Variants in TMEM132C observed in about 807,000 individuals in gnomAD.
TMEM132C encodes protein phosphatase 1, regulatory subunit 152.
A neutral mutation model predicts 61.4 loss-of-function variants in TMEM132C; 29 were observed. The observed-to-expected ratio is 0.47, with a 90% CI of 0.35 to 0.64. TMEM132C has a LOEUF of 0.64. TMEM132C is among the 30% of genes least tolerant of loss of function. The pLI, the probability that TMEM132C is intolerant of heterozygous loss-of-function variation, is 0.00. For synonymous variants in TMEM132C, 656 were observed against 633.1 expected, an observed-to-expected ratio of 1.04 and a Z score of -0.54; for missense variants, 1,408 against 1,476.9, an observed-to-expected ratio of 0.95 and a Z score of 0.76.
chr12:128,494,065 G>A (rs1300433396), intron 2 of TMEM132C, among the ~76,000 whole-genome samples: 1 of 152,194 alleles, frequency 6.6e-6, no homozygotes, highest in African/African-American at 2.4e-5. Flanking sequence ...ATGAAGGGCT[G>A]TTGAATTTTG....
chr12:128,412,149 T>A (rs1172206287), intron 1 of TMEM132C, among the ~76,000 whole-genome samples: 1 of 152,240 alleles, frequency 6.6e-6, no homozygotes, highest in Non-Finnish European at 1.5e-5. Context: ...GGTTTTGATA[T>A]TCATTAATAC....
In TMEM132C at chr12:128,326,839, G is replaced by A. The variant is rs1872537947; in HGVS notation, c.85+59352G>A. ...AACAACGTAGTAAAACAGCACTCAG[G>A]AATTAATTGTATTTTTAATAAAGCA... On this transcript the variant is annotated intron_variant, in intron 1 of 8. Transcript: ENST00000435159. The surrounding 1 kb of genome is among the most constrained non-coding windows in gnomAD (Gnocchi z 5.6). Among the ~76,000 whole-genome samples, 1 of 149,726 alleles carries A rather than the reference G, an allele frequency of 6.7e-6. No individual in the cohort carries two copies. The highest frequency in any genetic ancestry group is 2.1e-4 in the South Asian group (1 of 4,812).
chr12:128,355,958 A>T (rs76564807), intron 1 of TMEM132C, among the ~76,000 whole-genome samples: 2 of 151,954 alleles, frequency 1.3e-5, no homozygotes, highest in South Asian at 2.1e-4. Flanking sequence ...TTTACTATTT[A>T]TCTTTCCCTG....
intron 4 of TMEM132C, among the ~76,000 whole-genome samples, chr12:128,640,748 G>A (rs1593130113): frequency 6.6e-6 from 1 of 152,132 alleles, no homozygotes; most frequent in Non-Finnish European, 1.5e-5. Context: ...TTAGTAAGGT[G>A]TAGTGACACA....
chr12:128,555,968 C>T (rs999882749), intron 3 of TMEM132C, among the ~76,000 whole-genome samples: 13 of 152,266 alleles, frequency 8.5e-5, no homozygotes, highest in African/African-American at 1.9e-4. Context: ...CCTCCCACCT[C>T]GGCCTCCCAA....
chr12:128,278,745 C>CGTGTGTGTGTGTGTGTGTGT lies in TMEM132C; in HGVS notation c.85+11262_85+11263insGTGTGTGTGTGTGTGTGTGT, dbSNP rs201012004. Among the ~76,000 whole-genome samples the CGTGTGTGTGTGTGTGTGTGT allele has an allele frequency of 7.4e-6, 1 of 135,582 alleles. No homozygotes were observed. Among genetic ancestry groups the CGTGTGTGTGTGTGTGTGTGT allele is most frequent in the Non-Finnish European group, 1.6e-5 (1 of 64,216 alleles). 88.9% of individuals were successfully genotyped at this position (135,582 alleles called of 152,430 possible). A position where few individuals can be genotyped will look rare whatever the true frequency, so the allele number is the denominator to read the frequency against. On this transcript the variant is annotated intron_variant, in intron 1 of 8. Coordinates refer to ENST00000435159, the MANE Select transcript of TMEM132C (RefSeq NM_001136103.3). This position sits in a 1 kb window ranked among gnomAD's most constrained non-coding sequence, Gnocchi z 4.2. Reference sequence around the variant, plus strand: ...ATATTTGTGCAGACTTGATTCTATACGTGTATGTGTGTGTGTGTGTGTGTG... The same window carrying CGTGTGTGTGTGTGTGTGTGT: ...ATATTTGTGCAGACTTGATTCTATACGTGTGTGTGTGTGTGTGTGTGTGTATGTGTGTGTGTGTGTGTGTG...
intron 5 of TMEM132C, among the ~76,000 whole-genome samples, chr12:128,689,714 A>T (rs1593149684): frequency 6.6e-6 from 1 of 152,190 alleles, no homozygotes; most frequent in Non-Finnish European, 1.5e-5. Flanking sequence ...TCCAAGCATC[A>T]TAACTAAATG....
At chr12:128,648,076 G>A (rs141891369) in intron 4 of TMEM132C, among the ~76,000 whole-genome samples, 116 of 151,932 alleles carry the variant, frequency 7.6e-4, no homozygotes, top group African/African-American at 2.7e-3. Flanking sequence ...TGATGTGAGT[G>A]TGTTTACTAG....
chr12:128,415,727 A>T lies in TMEM132C; in HGVS notation c.974+107A>T. 7.5e-7 allele frequency: 1 copy of T among 1,327,432 alleles called. No individual in the cohort carries two copies. Among genetic ancestry groups the T allele is most frequent in the African/African-American group, 1.5e-5 (1 of 67,552 alleles). The allele number at this position is 1,327,432 out of a possible 1,614,324, so 82.2% of individuals were successfully genotyped here. On this transcript the variant is annotated intron_variant, in intron 2 of 8. Coordinates refer to ENST00000435159, the MANE Select transcript of TMEM132C (RefSeq NM_001136103.3). This position sits in a 1 kb window ranked among gnomAD's most constrained non-coding sequence, Gnocchi z 5.8. ...GGAAGCATCGATTTTCACTACCTTC[A>T]GGGACCGTTTGGCATTAACAGGGGA... is the stretch of plus-strand genomic sequence containing the variant.
At chr12:128,496,049 A>G (rs1048628010) in intron 2 of TMEM132C, among the ~76,000 whole-genome samples, 5 of 151,876 alleles carry the variant, frequency 3.3e-5, no homozygotes, top group African/African-American at 7.3e-5. Flanking sequence ...ATCTCTCAGC[A>G]TTTGCTTGTC....
At position 128,374,357 on chromosome 12, in the gene TMEM132C, T is replaced by G. The variant is rs140458009; in HGVS notation, c.86-40375T>G. 3.1e-3 allele frequency among the ~76,000 whole-genome samples: 467 copies of G among 152,230 alleles called. 4 individuals are homozygous for G. The highest frequency in any genetic ancestry group is 0.01 in the African/African-American group (419 of 41,546). ...AAGATGAGCTCTTGGGGTTTGCGCT[T>G]TGTTGTCTGGGCGGAGCCATTGCTG... On this transcript the variant is annotated intron_variant, in intron 1 of 8. Coordinates refer to ENST00000435159, the MANE Select transcript of TMEM132C (RefSeq NM_001136103.3).
chr12:128,453,416 A>G (rs1870241091), intron 2 of TMEM132C, among the ~76,000 whole-genome samples: 1 of 151,938 alleles, frequency 6.6e-6, no homozygotes, highest in African/African-American at 2.4e-5. Flanking sequence ...TGGTCTTTCA[A>G]CCTCTCTAGT....
chr12:128,576,539 A>G, intron 3 of TMEM132C, among the ~76,000 whole-genome samples: 1 of 152,252 alleles, frequency 6.6e-6, no homozygotes, highest in East Asian at 1.9e-4. Context: ...TAACTAGGAT[A>G]GAGTGACTAA....
intron 3 of TMEM132C, among the ~76,000 whole-genome samples, chr12:128,596,376 AGTG>A (rs1875950716): frequency 6.8e-6 from 1 of 146,668 alleles, no homozygotes; most frequent in African/African-American, 2.6e-5. Context: ...CCTGGTACAG[AGTG>A]GGCAGGGCTT....
intron 2 of TMEM132C, among the ~76,000 whole-genome samples, chr12:128,513,001 C>T (rs576250326): frequency 2.0e-5 from 3 of 152,256 alleles, no homozygotes; most frequent in East Asian, 1.9e-4. Context: ...GCTGACCTTC[C>T]GGTGGGGGAA....
intron 3 of TMEM132C, among the ~76,000 whole-genome samples, chr12:128,605,674 A>G (rs116772667): frequency 0.023 from 3,430 of 152,244 alleles, 131 homozygotes; most frequent in African/African-American, 0.078. Flanking sequence ...GCATCGGCTG[A>G]GGAGAAGGAA....
At chr12:128,595,854 A>G (rs930829170) in intron 3 of TMEM132C, among the ~76,000 whole-genome samples, 3 of 152,248 alleles carry the variant, frequency 2.0e-5, no homozygotes, top group Admixed American at 2.0e-4. Flanking sequence ...GCTTTAAAAC[A>G]GAGGAGCATC....
At chr12:128,450,407 A>G (rs2136056998) in intron 2 of TMEM132C, among the ~76,000 whole-genome samples, 1 of 152,204 alleles carries the variant, frequency 6.6e-6, no homozygotes, top group Admixed American at 6.5e-5. Context: ...GAGATCAGGG[A>G]CCCTATGTTT....
chr12:128,352,349 C>G (rs536291500), intron 1 of TMEM132C, among the ~76,000 whole-genome samples: 1 of 152,184 alleles, frequency 6.6e-6, no homozygotes, highest in African/African-American at 2.4e-5. Context: ...CATCAGATCT[C>G]GTGAGAACTT....
Sources: gnomAD v4.1 joint callset for allele counts (sites outside exome capture counted in the v4.1 genomes callset) on GRCh38, gnomAD v4.1.1 for gene constraint, Gnocchi (gnomAD v3.1) non-coding constraint, MANE v1.5 for transcripts, NCBI Gene and HGNC (gene_info 2026-07-23, HGNC 2026-07-21) for gene names.